The following PRSS54 variants were observed in gnomAD, a reference collection of about 807,000 sequenced individuals.
The protein encoded by PRSS54 is inactive serine protease 54.
PRSS54 carries 16 observed loss-of-function variants against 19.9 expected under a neutral mutation model. The ratio of observed to expected loss-of-function variants is 0.80; its 90% CI spans 0.54 to 1.22. The LOEUF is 1.22. Ranked by LOEUF, PRSS54 falls within the 50% of genes most tolerant of loss-of-function variation. The pLI, the probability that PRSS54 is intolerant of heterozygous loss-of-function variation, is 0.00. For missense variants in PRSS54, 444 were observed against 494.8 expected, an observed-to-expected ratio of 0.90 and a Z score of 0.97; for synonymous variants, 177 against 195.8, an observed-to-expected ratio of 0.90 and a Z score of 0.80.
In PRSS54 at chr16:58,280,644, C is replaced by T. The variant is rs751656551; in HGVS notation, c.768G>A (p.Lys256=). 3.7e-6 allele frequency: 6 copies of T among 1,614,176 alleles called. No homozygotes were observed. The South Asian group carries it at 6.6e-5, about 18-fold the overall frequency. The change falls in exon 7 of 7, where the codon AAG becomes AAA. Residue 256 remains lysine (K), a synonymous_variant. Coordinates refer to ENST00000567164, the MANE Select transcript of PRSS54 (RefSeq NM_001305173.2). The part of the protein sequence containing the change: ...ETCPGLFLYT[K]VEDYSKWITS... ...TGATCCATTTGCTGTAGTCTTCCAC[C>T]TTGGTGTACAGAAACAGGCCAGGGC...
chr16:58,280,844 GA>G, intron 6 of PRSS54, 87 bp from the exon 7 acceptor site: 2 of 1,313,512 alleles, frequency 1.5e-6, no homozygotes, highest in East Asian at 4.7e-5. Flanking sequence ...GTTTGTTCTA[GA>G]AATGTTTTAC....
Position 58,280,408 on chromosome 16 carries a change from A to G in PRSS54, c.1004T>C (p.Val335Ala), listed in dbSNP as rs755385663. ...LGNSSRDSLD[V>A]REKDVKESGR... ...TGATTCCTTTACATCCTTCTCCCTAACATCTAGACTATCTCTAGAGCTGTT... is the reference window on the plus strand; with the variant it reads ...TGATTCCTTTACATCCTTCTCCCTAGCATCTAGACTATCTCTAGAGCTGTT... The change falls in exon 7 of 7, where the codon GTT becomes GCT. Residue 335 changes from valine (V) to alanine (A), a missense_variant. Coordinates refer to ENST00000567164, the MANE Select transcript of PRSS54 (RefSeq NM_001305173.2). 55 of 1,613,980 alleles carry G rather than the reference A, an allele frequency of 3.4e-5. No individual in the cohort carries two copies. The highest frequency in any genetic ancestry group is 4.7e-5 in the Non-Finnish European group (55 of 1,180,028).
chr16:58,293,038 C>A (rs968812393), intron 3 of PRSS54, among the ~76,000 whole-genome samples: 1 of 151,646 alleles, frequency 6.6e-6, no homozygotes, highest in Non-Finnish European at 1.5e-5. Context: ...TATGTGTGTG[C>A]GTGTATGTGT....
At chr16:58,290,891 C>T (rs956459403) in intron 4 of PRSS54, 68 bp downstream of exon 4, 19 of 1,550,764 alleles carry the variant, frequency 1.2e-5, no homozygotes, top group Non-Finnish European at 1.5e-5. Flanking sequence ...CCAGGCTGAG[C>T]AGGAAACAGG....
rs1369566109 is a variant in PRSS54 at position 58,286,107 on chromosome 16, G to A, written c.352C>T (p.His118Tyr). 6.2e-7 allele frequency: 1 copy of A among 1,614,156 alleles called. No homozygotes were observed. Among genetic ancestry groups the A allele is most frequent in the Non-Finnish European group, 8.5e-7 (1 of 1,180,006 alleles). Residue 118 changes from histidine (H) to tyrosine (Y), a missense_variant, in exon 5 of 7, where the codon CAT (histidine) becomes TAT (tyrosine). His to Tyr is a moderately conservative substitution (Grantham distance 83). Transcript: ENST00000567164. Reference sequence around the variant, plus strand: ...ATGGAGTTGTTATCAAAGTCCTCATGGATGATGATGGTATTGACTGGATAC... The same window carrying A: ...ATGGAGTTGTTATCAAAGTCCTCATAGATGATGATGGTATTGACTGGATAC... ...TEYPVNTIII[H>Y]EDFDNNSMSN...
intron 4 of PRSS54, among the ~76,000 whole-genome samples, chr16:58,287,312 G>T (rs1964939800): frequency 6.6e-6 from 1 of 152,144 alleles, no homozygotes; most frequent in Non-Finnish European, 1.5e-5. Flanking sequence ...ATAAATTGGG[G>T]TGCGTTTAAT....
At chr16:58,289,540 C>G (rs1478645738) in intron 4 of PRSS54, among the ~76,000 whole-genome samples, 7 of 150,478 alleles carry the variant, frequency 4.7e-5, no homozygotes, top group African/African-American at 1.7e-4. Context: ...TTTAACTGTA[C>G]GTCCTTTGGT....
At chr16:58,286,247 A>T (rs1964919635) in intron 4 of PRSS54, 52 bp from the exon 5 acceptor site, 1 of 1,596,552 alleles carries the variant, frequency 6.3e-7, no homozygotes, top group Non-Finnish European at 8.6e-7. Flanking sequence ...AGGAAGCTTC[A>T]CGCTTCCCTG....
In PRSS54 at chr16:58,280,553, A is replaced by G; in HGVS notation, c.859T>C (p.Phe287Leu). 1 of 1,614,176 alleles carries G rather than the reference A, an allele frequency of 6.2e-7. No homozygotes were observed. The highest frequency in any genetic ancestry group is 2.2e-5 in the East Asian group (1 of 44,876). ...GTGGCATTTGGTCCATGGTGGGAGA[A>G]AGAAATCAACTTTTCCCAGTGGTGG... is the stretch of plus-strand genomic sequence containing the variant. The part of the protein sequence containing the change: ...SLHHWEKLIS[F>L]SHHGPNATMT... The change falls in exon 7 of 7, where the codon TTC becomes CTC. Residue 287 changes from phenylalanine (F) to leucine (L), a missense_variant. Phe to Leu is a conservative substitution (Grantham distance 22). Transcript: ENST00000567164.
At chr16:58,285,650 A>G (rs1820242) in intron 5 of PRSS54, among the ~76,000 whole-genome samples, 15,366 of 150,526 alleles carry the variant, frequency 0.1, 863 homozygotes, top group Admixed American at 0.13. Flanking sequence ...TGAGGCAGGA[A>G]GATCACTTGA....
At chr16:58,289,795 G>A (rs778516592) in intron 4 of PRSS54, among the ~76,000 whole-genome samples, 47 of 151,794 alleles carry the variant, frequency 3.1e-4, no homozygotes, top group Non-Finnish European at 6.5e-4. Context: ...CTGGTCTCAC[G>A]AGAACTCCTG....
At chr16:58,287,749 G>C (rs1024019299) in intron 4 of PRSS54, among the ~76,000 whole-genome samples, 3 of 152,184 alleles carry the variant, frequency 2.0e-5, no homozygotes, top group African/African-American at 7.2e-5. Context: ...AACTAGTAAA[G>C]TTGCTGGACT....
At position 58,285,723 on chromosome 16, in the gene PRSS54, CAAAAAAAA is replaced by C. The variant is rs1178010291; in HGVS notation, c.522+206_522+213del. Reference sequence around the variant, plus strand: ...CCACTGCATGGAAAAGACCCTGTCTCAAAAAAAAAAAAAAAAAAAAAAAGAAGAAGAAG... The same window carrying C: ...CCACTGCATGGAAAAGACCCTGTCTCAAAAAAAAAAAAAAAGAAGAAGAAG... On this transcript the variant is annotated intron_variant, in intron 5 of 6. Coordinates refer to ENST00000567164, the MANE Select transcript of PRSS54 (RefSeq NM_001305173.2). 6.3e-5 allele frequency among the ~76,000 whole-genome samples: 5 copies of C among 78,828 alleles called. No homozygotes were observed. The East Asian group carries it at 2.2e-3, about 35-fold the overall frequency. 51.7% of individuals were successfully genotyped at this position (78,828 alleles called of 152,430 possible). A position where few individuals can be genotyped will look rare whatever the true frequency, so the allele number is the denominator to read the frequency against.
intron 4 of PRSS54, 49 bp downstream of exon 4, chr16:58,290,896 AACAGGGTCGCCCCC>A: frequency 6.4e-7 from 1 of 1,567,180 alleles, no homozygotes; most frequent in Non-Finnish European, 8.7e-7. Context: ...CTGAGCAGGA[AACAGGGTCGCCCCC>A]ACCCTCACCC....
chr16:58,284,300 G>A (rs1422126412), intron 6 of PRSS54: 5 of 334,694 alleles, frequency 1.5e-5, no homozygotes, highest in Admixed American at 7.5e-5. Flanking sequence ...AAAGCATATC[G>A]GCCTCTGTGG....
rs746245849 is a variant in PRSS54 at position 58,291,185 on chromosome 16, A to G, written c.86-49T>C. On this transcript the variant is annotated intron_variant, in intron 3 of 6. Coordinates refer to ENST00000567164, the MANE Select transcript of PRSS54 (RefSeq NM_001305173.2). ...ACTGCCGGGGCAAGGAGACCTCAGGACCCTCTCTCCTGTGGGCTGTCTGTC... is the reference window on the plus strand; with the variant it reads ...ACTGCCGGGGCAAGGAGACCTCAGGGCCCTCTCTCCTGTGGGCTGTCTGTC... 2.9e-5 allele frequency: 46 copies of G among 1,570,214 alleles called. 1 individual carries two copies. The highest frequency in any genetic ancestry group is 3.6e-5 in the Non-Finnish European group (41 of 1,150,394).
Position 58,280,126 on chromosome 16 carries a change from G to T in PRSS54, c.*98C>A. The T allele has an allele frequency of 1.6e-6, 2 of 1,252,288 alleles. No homozygotes were observed. The highest frequency in any genetic ancestry group is 2.2e-6 in the Non-Finnish European group (2 of 892,578). 77.6% of individuals were successfully genotyped at this position (1,252,288 alleles called of 1,614,324 possible). ...CATGGGCTTATCCGTGGCAGCCCCA[G>T]TGTGCAACTATCAAAAACAGACATC... On this transcript the variant is annotated 3_prime_UTR_variant, in exon 7 of 7. Coordinates refer to ENST00000567164, the MANE Select transcript of PRSS54 (RefSeq NM_001305173.2).
chr16:58,280,841 C>G, intron 6 of PRSS54, 84 bp from the exon 7 acceptor site: 1 of 1,330,708 alleles, frequency 7.5e-7, no homozygotes, highest in Non-Finnish European at 1.0e-6. Flanking sequence ...ACTGTTTGTT[C>G]TAGAAATGTT....
chr16:58,281,423 T>C (rs1964732210), intron 6 of PRSS54: 1 of 152,384 alleles, frequency 6.6e-6, no homozygotes, highest in Admixed American at 6.5e-5. Flanking sequence ...AAACACTCAA[T>C]AGAATATTAG....
Sources: gnomAD v4.1 joint callset for allele counts (sites outside exome capture counted in the v4.1 genomes callset) on GRCh38, gnomAD v4.1.1 for gene constraint, MANE v1.5 for transcripts, NCBI Gene and HGNC (gene_info 2026-07-23, HGNC 2026-07-21) for gene names.